The following CACNA2D3 variants were observed in gnomAD, a reference collection of about 807,000 sequenced individuals.
The protein encoded by CACNA2D3 is calcium voltage-gated channel auxiliary subunit alpha2delta 3.
Under a neutral mutation model 160.6 loss-of-function variants are expected in CACNA2D3, and 60 were observed. The ratio of observed to expected loss-of-function variants is 0.37; its 90% CI spans 0.30 to 0.46. CACNA2D3 has a LOEUF of 0.46. CACNA2D3 is among the 20% of genes least tolerant of loss of function. CACNA2D3 has a pLI of 1.00. For missense variants in CACNA2D3, 1,205 were observed against 1,365.0 expected, an observed-to-expected ratio of 0.88 and a Z score of 1.85; for synonymous variants, 558 against 492.9, an observed-to-expected ratio of 1.13 and a Z score of -1.75.
chr3:54,550,496 C>T (rs1362530566), intron 5 of CACNA2D3, among the ~76,000 whole-genome samples: 5 of 152,186 alleles, frequency 3.3e-5, no homozygotes, highest in Non-Finnish European at 7.4e-5. Flanking sequence ...TCAAGGATAC[C>T]ACTTCCCTAT....
chr3:54,688,946 C>A (rs941938356), intron 11 of CACNA2D3, among the ~76,000 whole-genome samples: 1 of 122,444 alleles, frequency 8.2e-6, no homozygotes, highest in Non-Finnish European at 1.6e-5. Context: ...TGCACCATTG[C>A]GCTCCAGCCT....
intron 3 of CACNA2D3, among the ~76,000 whole-genome samples, chr3:54,337,100 A>G (rs1420990782): frequency 2.0e-5 from 3 of 152,210 alleles, no homozygotes; most frequent in Non-Finnish European, 4.4e-5. Flanking sequence ...AGACAGACAG[A>G]CAGAAATCCG....
intron 9 of CACNA2D3, among the ~76,000 whole-genome samples, chr3:54,591,570 T>TTG (rs1443849476): frequency 1.5e-4 from 23 of 149,792 alleles, no homozygotes; most frequent in African/African-American, 4.9e-4. Context: ...GAAAAAAGTT[T>TTG]TTTTTTTTTT....
chr3:54,594,621 A>G lies in CACNA2D3; in HGVS notation c.963+12744A>G, dbSNP rs1189674144. On this transcript the variant is annotated intron_variant, in intron 9 of 37. Coordinates refer to ENST00000474759, the MANE Select transcript of CACNA2D3 (RefSeq NM_018398.3). ...CTTCAATAAACTTGCCAGTTAACCAATTTCTGATTTCTCTGTTCATCAGTG... is the reference window on the plus strand; with the variant it reads ...CTTCAATAAACTTGCCAGTTAACCAGTTTCTGATTTCTCTGTTCATCAGTG... Among the ~76,000 whole-genome samples the G allele has an allele frequency of 3.3e-5, 5 of 152,204 alleles. No homozygotes were observed. The East Asian group carries it at 9.6e-4, about 29-fold the overall frequency.
intron 11 of CACNA2D3, among the ~76,000 whole-genome samples, chr3:54,732,501 A>G (rs1310418458): frequency 6.6e-6 from 1 of 152,222 alleles, no homozygotes; most frequent in African/African-American, 2.4e-5. Flanking sequence ...GTCATTGATA[A>G]TAGAGATTTT....
intron 31 of CACNA2D3, among the ~76,000 whole-genome samples, chr3:54,997,236 A>T (rs556350865): frequency 9.8e-5 from 15 of 152,316 alleles, no homozygotes; most frequent in Admixed American, 7.8e-4. Context: ...TTAAGGTGAG[A>T]GGGGAAGAAA....
At chr3:54,855,144 C>T (rs1468606372) in intron 17 of CACNA2D3, among the ~76,000 whole-genome samples, 1 of 152,190 alleles carries the variant, frequency 6.6e-6, no homozygotes, top group Non-Finnish European at 1.5e-5. Flanking sequence ...GCAGTGACCC[C>T]TCTGATCTGG....
rs554584189 is a variant in CACNA2D3 at position 54,773,824 on chromosome 3, T to C, written c.1380+9473T>C. On this transcript the variant is annotated intron_variant, in intron 13 of 37. Coordinates refer to ENST00000474759, the MANE Select transcript of CACNA2D3 (RefSeq NM_018398.3). Reference sequence around the variant, plus strand: ...GTATTATAAAACCATGAATTGATGATATAAAATTATTATCTTCAGAAAAGA... The same window carrying C: ...GTATTATAAAACCATGAATTGATGACATAAAATTATTATCTTCAGAAAAGA... 2.6e-5 allele frequency among the ~76,000 whole-genome samples: 4 copies of C among 152,330 alleles called. No homozygotes were observed. In the South Asian group the frequency reaches 8.3e-4, roughly 32 times the overall value.
At chr3:54,607,703 T>C (rs1056196615) in intron 9 of CACNA2D3, among the ~76,000 whole-genome samples, 3 of 152,198 alleles carry the variant, frequency 2.0e-5, no homozygotes, top group African/African-American at 7.2e-5. Flanking sequence ...TGACTTTACC[T>C]ATGACCCAGC....
chr3:54,811,499 T>A (rs1376579511), intron 13 of CACNA2D3, among the ~76,000 whole-genome samples: 5,281 of 124,296 alleles, frequency 0.042, 726 homozygotes, highest in African/African-American at 0.16. Flanking sequence ...TTTTTTTTTT[T>A]TTTTTTTTTT....
At chr3:54,257,444 CCT>C (rs1702318089) in intron 2 of CACNA2D3, among the ~76,000 whole-genome samples, 1 of 152,118 alleles carries the variant, frequency 6.6e-6, no homozygotes, top group Non-Finnish European at 1.5e-5. Flanking sequence ...GGGAGCTTTC[CCT>C]CTCTGAAATG....
intron 4 of CACNA2D3, among the ~76,000 whole-genome samples, chr3:54,469,585 G>A (rs186390926): frequency 4.6e-5 from 7 of 152,170 alleles, no homozygotes; most frequent in Non-Finnish European, 7.4e-5. Flanking sequence ...TGAGTTTGAT[G>A]AACTGACAGA....
intron 4 of CACNA2D3, among the ~76,000 whole-genome samples, chr3:54,434,524 TTAAC>T (rs1258455420): frequency 2.0e-5 from 3 of 152,238 alleles, no homozygotes; most frequent in African/African-American, 2.4e-5. Context: ...GTGGTCCCAG[TTAAC>T]TAACCTCCCC....
chr3:54,276,738 AAAG>A (rs758005590), intron 2 of CACNA2D3, among the ~76,000 whole-genome samples: 2 of 148,108 alleles, frequency 1.4e-5, no homozygotes, highest in Non-Finnish European at 2.9e-5. Flanking sequence ...AGAGGATGGT[AAAG>A]AAGTTTTTTT....
chr3:54,471,148 A>G lies in CACNA2D3; in HGVS notation c.382-32344A>G, dbSNP rs138256309. Among the ~76,000 whole-genome samples the G allele has an allele frequency of 3.6e-4, 55 of 152,316 alleles. 1 individual carries two copies. In the East Asian group the frequency reaches 0.01, roughly 29 times the overall value. ...CATCACACTTATTCTAAAATTGACTATGTAATTGGAAGTAAAACACTCCTC... is the reference window on the plus strand; with the variant it reads ...CATCACACTTATTCTAAAATTGACTGTGTAATTGGAAGTAAAACACTCCTC... On this transcript the variant is annotated intron_variant, in intron 4 of 37. Coordinates refer to ENST00000474759, the MANE Select transcript of CACNA2D3 (RefSeq NM_018398.3).
intron 3 of CACNA2D3, among the ~76,000 whole-genome samples, chr3:54,336,912 A>T (rs1369358457): frequency 6.6e-6 from 1 of 152,208 alleles, no homozygotes; most frequent in African/African-American, 2.4e-5. Flanking sequence ...TAAGGAGTCC[A>T]TTGAATCCAT....
intron 4 of CACNA2D3, among the ~76,000 whole-genome samples, chr3:54,456,493 G>GTT (rs1680844913): frequency 6.6e-6 from 1 of 151,804 alleles, no homozygotes; most frequent in South Asian, 2.1e-4. Context: ...CTATATATAA[G>GTT]ATCATCTGCA....
rs372625619 is a variant in CACNA2D3, at chr3:54,488,840, C to T, written c.382-14652C>T. On this transcript the variant is annotated intron_variant, in intron 4 of 37. Coordinates refer to ENST00000474759, the MANE Select transcript of CACNA2D3 (RefSeq NM_018398.3). ...CACTCAGATAAGTGTGCGATGACCC[C>T]TGGGATAAGTACTATATGGGACAGG... is the stretch of plus-strand genomic sequence containing the variant. Among the ~76,000 whole-genome samples, 13 of 152,236 alleles carry T rather than the reference C, an allele frequency of 8.5e-5. No homozygotes were observed. In the East Asian group the frequency reaches 1.2e-3, roughly 14 times the overall value.
chr3:54,419,451 A>C (rs981855347), intron 4 of CACNA2D3, among the ~76,000 whole-genome samples: 2 of 152,240 alleles, frequency 1.3e-5, no homozygotes, highest in African/African-American at 4.8e-5. Context: ...AAACACGAAC[A>C]AGAGACTGCT....
Sources: allele counts gnomAD v4.1 joint callset (sites outside exome capture counted in the v4.1 genomes callset), GRCh38; gene constraint gnomAD v4.1.1; transcripts MANE v1.5; gene names NCBI Gene and HGNC (gene_info 2026-07-23, HGNC 2026-07-21).